Variants in CHMP3 observed in about 807,000 individuals in gnomAD.
CHMP3 encodes the protein 25.1 protein.
CHMP3 carries 8 observed loss-of-function variants against 27.4 expected under a neutral mutation model. The observed-to-expected ratio is 0.29, with a 90% CI of 0.17 to 0.53. The LOEUF (loss-of-function observed/expected upper bound fraction) is 0.53, where lower values mean the gene tolerates loss of function less well. Ranked by LOEUF, CHMP3 falls within the 20% of genes least tolerant of loss-of-function variation. The probability of loss-of-function intolerance (pLI) is 0.96; values close to 1 mark genes in which losing one functional copy is unlikely to be tolerated. For synonymous variants in CHMP3, 86 were observed against 85.5 expected, an observed-to-expected ratio of 1.01 and a Z score of -0.03; for missense variants, 208 against 271.5, an observed-to-expected ratio of 0.77 and a Z score of 1.64.
At position 86,505,715 on chromosome 2, in the gene CHMP3, A is replaced by G; in HGVS notation, c.*89T>C. On this transcript the variant is annotated 3_prime_UTR_variant, in exon 6 of 6. Coordinates refer to ENST00000263856, the MANE Select transcript of CHMP3 (RefSeq NM_016079.4). ...CAAACAGAACCTTCTCCAAAATGGT[A>G]GTCCTCACAACAGAGGTGTAGTGCA... is the stretch of plus-strand genomic sequence containing the variant. The G allele has an allele frequency of 1.5e-6, 2 of 1,332,440 alleles. No homozygotes were observed. The highest frequency in any genetic ancestry group is 1.9e-6 in the Non-Finnish European group (2 of 1,034,762). 82.5% of individuals were successfully genotyped at this position (1,332,440 alleles called of 1,614,324 possible).
At chr2:86,525,549 AC>A (rs1558649331) in intron 3 of CHMP3, among the ~76,000 whole-genome samples, 3 of 151,752 alleles carry the variant, frequency 2.0e-5, no homozygotes, top group Admixed American at 6.6e-5. Context: ...AAAAAAAAAA[AC>A]TACTTAAAAT....
At chr2:86,536,234 G>A (rs1177571764) in intron 2 of CHMP3, among the ~76,000 whole-genome samples, 10 of 151,792 alleles carry the variant, frequency 6.6e-5, no homozygotes, top group Non-Finnish European at 1.2e-4. Context: ...TCCTGACCTC[G>A]TGATCCGCCC....
chr2:86,517,219 A>G (rs577555522), intron 3 of CHMP3, among the ~76,000 whole-genome samples: 2 of 152,352 alleles, frequency 1.3e-5, no homozygotes, highest in South Asian at 4.1e-4. Context: ...TTCTGCTATA[A>G]ATATGACCAT....
At chr2:86,526,193 T>C (rs940691557) in intron 3 of CHMP3, among the ~76,000 whole-genome samples, 6 of 152,230 alleles carry the variant, frequency 3.9e-5, no homozygotes, top group Admixed American at 3.9e-4. Flanking sequence ...TGAAAGTGTA[T>C]GATAAAAGAG....
chr2:86,553,380 G>A (rs1313709190), intron 1 of CHMP3, among the ~76,000 whole-genome samples: 1 of 152,132 alleles, frequency 6.6e-6, no homozygotes, highest in East Asian at 1.9e-4. Context: ...TCGCCAGCCT[G>A]GAGTGCAGTG....
chr2:86,505,629 G>T lies in CHMP3; in HGVS notation c.*175C>A. The T allele has an allele frequency of 1.2e-6, 1 of 827,754 alleles. No individual in the cohort carries two copies. The highest frequency in any genetic ancestry group is 1.7e-6 in the Non-Finnish European group (1 of 590,254). 51.3% of individuals were successfully genotyped at this position (827,754 alleles called of 1,614,324 possible). On this transcript the variant is annotated 3_prime_UTR_variant, in exon 6 of 6. Coordinates refer to ENST00000263856, the MANE Select transcript of CHMP3 (RefSeq NM_016079.4). The stretch of plus-strand genomic sequence containing the variant: ...TCCTAAAAATGATGCATTTATTTAT[G>T]CCACTTTTATAAGAACAATCCCTTT...
chr2:86,555,607 TC>T (rs1204370449), intron 1 of CHMP3, among the ~76,000 whole-genome samples: 1 of 152,198 alleles, frequency 6.6e-6, no homozygotes, highest in African/African-American at 2.4e-5. Context: ...AGGCCATGCT[TC>T]CTCCAGTGGA....
At chr2:86,547,097 C>A (rs1676639650) in intron 1 of CHMP3, among the ~76,000 whole-genome samples, 1 of 152,198 alleles carries the variant, frequency 6.6e-6, no homozygotes, top group Non-Finnish European at 1.5e-5. Context: ...CCAGGCAGTA[C>A]AACTGCACAG....
chr2:86,531,359 T>C (rs1274203764), intron 2 of CHMP3, among the ~76,000 whole-genome samples: 1 of 152,032 alleles, frequency 6.6e-6, no homozygotes, highest in Non-Finnish European at 1.5e-5. Flanking sequence ...TGAAGTCCAG[T>C]TTGTCTACTC....
chr2:86,563,351 C>G lies in CHMP3; in HGVS notation c.-3G>C. 2 of 1,614,124 alleles carry G rather than the reference C, an allele frequency of 1.2e-6. No homozygotes were observed. The highest frequency in any genetic ancestry group is 2.2e-5 in the East Asian group (1 of 44,868). On this transcript the variant is annotated 5_prime_UTR_variant, in exon 1 of 6. Transcript: ENST00000263856. ...TGGGTCTTTCCAAACAGCCCCATGA[C>G]GAACTGAACCCGTCTTGCCCCTTCC... is the stretch of plus-strand genomic sequence containing the variant.
chr2:86,531,484 G>A (rs1675917550), intron 2 of CHMP3, among the ~76,000 whole-genome samples: 1 of 152,138 alleles, frequency 6.6e-6, no homozygotes, highest in Non-Finnish European at 1.5e-5. Context: ...TGGTCTTCCA[G>A]CCTCAGCCTC....
chr2:86,529,484 T>C, intron 2 of CHMP3, 87 bp from the exon 3 acceptor site: 1 of 1,259,588 alleles, frequency 7.9e-7, no homozygotes, highest in South Asian at 2.0e-5. Context: ...TAAATGTATC[T>C]ATTAAATAGA....
At chr2:86,547,952 T>G (rs1676676493) in intron 1 of CHMP3, among the ~76,000 whole-genome samples, 1 of 152,206 alleles carries the variant, frequency 6.6e-6, no homozygotes, top group Non-Finnish European at 1.5e-5. Flanking sequence ...GTCTATTATA[T>G]GCGAAACTAG....
At position 86,504,620 on chromosome 2, in the gene CHMP3, T is replaced by C. The variant is rs1674822252; in HGVS notation, c.*1184A>G. On this transcript the variant is annotated 3_prime_UTR_variant, in exon 6 of 6. Transcript: ENST00000263856. ...CCTCAGCCTTGTAAAGCACTGGGATTATAGGCATGAACCACCGCACCCAGC... is the reference window on the plus strand; with the variant it reads ...CCTCAGCCTTGTAAAGCACTGGGATCATAGGCATGAACCACCGCACCCAGC... The C allele has an allele frequency of 6.6e-6, 1 of 150,780 alleles. No homozygotes were observed. The highest frequency in any genetic ancestry group is 6.7e-5 in the Admixed American group (1 of 15,036). The allele number at this position is 150,780 out of a possible 1,614,324, so 9.3% of individuals were successfully genotyped here. A position where few individuals can be genotyped will look rare whatever the true frequency, so the allele number is the denominator to read the frequency against.
rs536094266 is a variant in CHMP3, at chr2:86,503,613, T to C, written c.*2191A>G. ...ATCTAGACAATGGAGTATTATTCAG[T>C]GCTAAAAATAAATGCACTATTAAGC... is the stretch of plus-strand genomic sequence containing the variant. On this transcript the variant is annotated 3_prime_UTR_variant, in exon 6 of 6. Transcript: ENST00000263856. The C allele has an allele frequency of 2.0e-5, 3 of 152,164 alleles. No homozygotes were observed. In the East Asian group the frequency reaches 5.8e-4, roughly 29 times the overall value. The allele number at this position is 152,164 out of a possible 1,614,324, so 9.4% of individuals were successfully genotyped here.
At chr2:86,536,707 G>A (rs1270237412) in intron 2 of CHMP3, among the ~76,000 whole-genome samples, 1 of 152,094 alleles carries the variant, frequency 6.6e-6, no homozygotes, top group South Asian at 2.1e-4. Flanking sequence ...ATCCTACCTG[G>A]AGTTCACTGA....
chr2:86,561,006 T>A (rs1677336299), intron 1 of CHMP3, among the ~76,000 whole-genome samples: 1 of 152,142 alleles, frequency 6.6e-6, no homozygotes, highest in Non-Finnish European at 1.5e-5. Flanking sequence ...AGGTCCCACC[T>A]CCAACACTGG....
At chr2:86,521,742 T>G (rs1675531714) in intron 3 of CHMP3, among the ~76,000 whole-genome samples, 1 of 152,238 alleles carries the variant, frequency 6.6e-6, no homozygotes, top group South Asian at 2.1e-4. Flanking sequence ...TCGTCCATAT[T>G]GTTGTAGCAT....
intron 1 of CHMP3, among the ~76,000 whole-genome samples, chr2:86,554,970 C>T (rs1218078015): frequency 3.3e-5 from 5 of 151,676 alleles, no homozygotes; most frequent in Admixed American, 6.6e-5. Context: ...CCTCAGCCTC[C>T]GGAGTAGCTG....
Sources: gnomAD v4.1 joint callset for allele counts (sites outside exome capture counted in the v4.1 genomes callset) on GRCh38, gnomAD v4.1.1 for gene constraint, MANE v1.5 for transcripts, NCBI Gene and HGNC (gene_info 2026-07-23, HGNC 2026-07-21) for gene names.